SMYD3: variants seen among roughly 807,000 people sequenced by gnomAD.
SMYD3 encodes the protein histone-lysine N-methyltransferase SMYD3.
SMYD3 carries 36 observed loss-of-function variants against 57.7 expected under a neutral mutation model. The observed-to-expected ratio is 0.62, with a 90% CI of 0.48 to 0.82. The LOEUF (loss-of-function observed/expected upper bound fraction) is 0.82. Among genes scored for constraint, SMYD3 ranks in the 40% least tolerant of loss-of-function variants. SMYD3 has a pLI of 0.00. For synonymous variants in SMYD3, 211 were observed against 195.0 expected, an observed-to-expected ratio of 1.08 and a Z score of -0.68; for missense variants, 515 against 538.8, an observed-to-expected ratio of 0.96 and a Z score of 0.44.
intron 5 of SMYD3, among the ~76,000 whole-genome samples, chr1:246,086,247 C>G (rs1483810040): frequency 6.6e-6 from 1 of 151,898 alleles, no homozygotes; most frequent in African/African-American, 2.4e-5. Context: ...TTTTTGTCAG[C>G]GAACTGCTAC....
rs149763470 is a variant in SMYD3 at position 246,481,433 on chromosome 1, T to TTC, written c.164+25619_164+25620dup. Among the ~76,000 whole-genome samples the TTC allele has an allele frequency of 4.7e-4, 70 of 147,676 alleles. 1 individual carries two copies. In the South Asian group the frequency reaches 8.6e-3, roughly 18 times the overall value. On this transcript the variant is annotated intron_variant, in intron 1 of 11. Transcript: ENST00000490107. Reference sequence around the variant, plus strand: ...AACAAAAGAATGGAGAAAGGGTGAATTCTCTCTCTCTCTCTCTGATTACTT... The same window carrying TTC: ...AACAAAAGAATGGAGAAAGGGTGAATTCTCTCTCTCTCTCTCTCTGATTACTT...
At chr1:246,222,764 T>C (rs1163080973) in intron 5 of SMYD3, among the ~76,000 whole-genome samples, 1 of 152,116 alleles carries the variant, frequency 6.6e-6, no homozygotes, top group Non-Finnish European at 1.5e-5. Context: ...TGTTCTACAA[T>C]CATACTTCAG....
intron 5 of SMYD3, among the ~76,000 whole-genome samples, chr1:246,125,088 A>C (rs1483912494): frequency 2.2e-5 from 3 of 134,910 alleles, no homozygotes; most frequent in East Asian, 4.0e-4. Flanking sequence ...AAAAAAAAAA[A>C]CACACACACA....
intron 5 of SMYD3, among the ~76,000 whole-genome samples, chr1:246,027,781 C>T (rs1412299024): frequency 6.6e-6 from 1 of 152,146 alleles, no homozygotes. Context: ...AGGAGTAATT[C>T]AACTTTCAAG....
chr1:246,066,494 C>A lies in SMYD3; in HGVS notation c.532-136557G>T, dbSNP rs2060342119. ...AAGGTAGTGTGTCTAAAATTCTCTG[C>A]ACTGCTAAATAAGTACAGATTGAAA... On this transcript the variant is annotated intron_variant, in intron 5 of 11. Transcript: ENST00000490107. Among the ~76,000 whole-genome samples the A allele has an allele frequency of 1.3e-5, 2 of 152,132 alleles. 1 individual carries two copies. The highest frequency in any genetic ancestry group is 1.3e-4 in the Admixed American group (2 of 15,284).
chr1:246,240,717 C>G (rs914160585), intron 5 of SMYD3, among the ~76,000 whole-genome samples: 5 of 152,200 alleles, frequency 3.3e-5, no homozygotes, highest in Admixed American at 1.3e-4. Context: ...TTCTTCCTAT[C>G]CATGAGCATG....
rs187383824 is a variant in SMYD3 at position 246,055,202 on chromosome 1, G to A, written c.532-125265C>T. Among the ~76,000 whole-genome samples the A allele has an allele frequency of 1.6e-3, 250 of 151,818 alleles. 3 individuals carry two copies. The highest frequency in any genetic ancestry group is 5.5e-3 in the African/African-American group (228 of 41,364). On this transcript the variant is annotated intron_variant, in intron 5 of 11. Transcript: ENST00000490107. ...GAAAAAAACAAAAAAAAAAACAAATGTTGGCAAGGATGTAGAGAAACTGGA... is the reference window on the plus strand; with the variant it reads ...GAAAAAAACAAAAAAAAAAACAAATATTGGCAAGGATGTAGAGAAACTGGA...
intron 10 of SMYD3, among the ~76,000 whole-genome samples, chr1:245,845,966 T>C (rs535386206): frequency 1.3e-5 from 2 of 152,290 alleles, no homozygotes; most frequent in African/African-American, 4.8e-5. Flanking sequence ...TCTCCCTCGG[T>C]CCAGGCAGGG....
chr1:246,389,843 C>G (rs1266400569), intron 1 of SMYD3, among the ~76,000 whole-genome samples: 5 of 150,960 alleles, frequency 3.3e-5, no homozygotes, highest in Non-Finnish European at 7.4e-5. Flanking sequence ...AGCATTCATT[C>G]TTGAAAATCA....
At chr1:246,422,429 T>A (rs1056203543) in intron 1 of SMYD3, among the ~76,000 whole-genome samples, 4 of 149,694 alleles carry the variant, frequency 2.7e-5, no homozygotes, top group Admixed American at 1.3e-4. Flanking sequence ...CCTTTTTTTT[T>A]AATTTATTTT....
At chr1:246,016,809 G>A (rs760643581) in intron 5 of SMYD3, among the ~76,000 whole-genome samples, 18 of 152,118 alleles carry the variant, frequency 1.2e-4, no homozygotes, top group Non-Finnish European at 1.9e-4. Context: ...TTATGTTACC[G>A]AGAATAAAAT....
intron 1 of SMYD3, among the ~76,000 whole-genome samples, chr1:246,442,219 C>T (rs1425633909): frequency 1.3e-5 from 2 of 152,166 alleles, no homozygotes; most frequent in East Asian, 3.9e-4. Flanking sequence ...AGAGGTATGG[C>T]ACAGGCACAA....
At chr1:246,130,195 T>C (rs1237781820) in intron 5 of SMYD3, among the ~76,000 whole-genome samples, 1 of 152,174 alleles carries the variant, frequency 6.6e-6, no homozygotes, top group East Asian at 1.9e-4. Context: ...CTCTTCACCT[T>C]GAGAGGCTAC....
At chr1:246,013,550 T>C (rs1558151187) in intron 5 of SMYD3, among the ~76,000 whole-genome samples, 1 of 152,232 alleles carries the variant, frequency 6.6e-6, no homozygotes, top group African/African-American at 2.4e-5. Flanking sequence ...ATTGGTTTGA[T>C]ATGTTACATT....
chr1:245,931,307 G>A lies in SMYD3; in HGVS notation c.532-1370C>T, dbSNP rs186901413. 1.5e-4 allele frequency among the ~76,000 whole-genome samples: 23 copies of A among 152,266 alleles called. 1 individual carries two copies. In the East Asian group the frequency reaches 3.1e-3, roughly 20 times the overall value. ...CCCAGGTGATAGACAATGGTGACTC[G>A]GATGTCGGTAGCAGGAGAACTGGGT... On this transcript the variant is annotated intron_variant, in intron 5 of 11. Transcript: ENST00000490107.
intron 1 of SMYD3, among the ~76,000 whole-genome samples, chr1:246,434,177 A>C (rs1248386628): frequency 2.0e-5 from 3 of 152,226 alleles, no homozygotes; most frequent in East Asian, 3.8e-4. Flanking sequence ...GAAGAAAACC[A>C]TTCTTCTAAA....
rs1409387302 is a variant in SMYD3, at chr1:246,327,248, C to CA, written c.483dup (p.Ala162CysfsTer9). 1 of 1,614,002 alleles carries CA rather than the reference C, an allele frequency of 6.2e-7. No homozygotes were observed. The highest frequency in any genetic ancestry group is 8.5e-7 in the Non-Finnish European group (1 of 1,180,000). On this transcript the variant is annotated frameshift_variant, in exon 5 of 12. Coordinates refer to ENST00000490107, the MANE Select transcript of SMYD3 (RefSeq NM_001167740.2). LOFTEE classifies it high-confidence loss of function. ...TCAAAGGCAGGTGGCAGCTGAGAGG[C>CA]ATCCTGTATTTCTTCTCTCATGAAA...
At chr1:245,960,014 A>G (rs2057958993) in intron 5 of SMYD3, among the ~76,000 whole-genome samples, 1 of 152,172 alleles carries the variant, frequency 6.6e-6, no homozygotes, top group African/African-American at 2.4e-5. Flanking sequence ...TCGTGACTCA[A>G]ATGATCCACC....
intron 5 of SMYD3, among the ~76,000 whole-genome samples, chr1:246,246,610 A>C (rs1388575123): frequency 2.0e-5 from 3 of 152,166 alleles, no homozygotes; most frequent in Non-Finnish European, 4.4e-5. Flanking sequence ...AATAAATTAC[A>C]TCAAATGCAA....
Sources: gnomAD v4.1 joint callset for allele counts (sites outside exome capture counted in the v4.1 genomes callset) on GRCh38, gnomAD v4.1.1 for gene constraint, MANE v1.5 for transcripts, NCBI Gene and HGNC (gene_info 2026-07-23, HGNC 2026-07-21) for gene names.